Variants in LDLRAP1 observed in about 807,000 individuals in gnomAD.
LDLRAP1 encodes low density lipoprotein receptor adaptor protein 1.
In LDLRAP1, 30 loss-of-function variants were observed where a neutral mutation model predicts 37.8. The ratio of observed to expected loss-of-function variants is 0.79; its 90% CI spans 0.59 to 1.08. The LOEUF (loss-of-function observed/expected upper bound fraction) is 1.08, where lower values mean the gene tolerates loss of function less well. Ranked by LOEUF, LDLRAP1 falls within the 50% of genes least tolerant of loss-of-function variation. The pLI is 0.00. For missense variants in LDLRAP1, 375 were observed against 401.6 expected (o/e 0.93, Z 0.57); for synonymous variants, 156 against 169.8 (o/e 0.92, Z 0.63).
intron 7 of LDLRAP1, 151 bp downstream of exon 7, chr1:25,563,942 G>A: frequency 1.1e-6 from 1 of 942,734 alleles, no homozygotes; most frequent in South Asian, 1.4e-5. Context: ...CGCAGGATAG[G>A]GGATGAACAA....
At chr1:25,563,335 CATTTT>C (rs1169857614) in intron 6 of LDLRAP1, among the ~76,000 whole-genome samples, 182 bp downstream of exon 6, 3 of 152,200 alleles carry the variant, frequency 2.0e-5, no homozygotes, top group Non-Finnish European at 4.4e-5. Context: ...AGAAATAACT[CATTTT>C]AGTACATTTT....
At chr1:25,566,318 T>G (rs2044477061) in intron 8 of LDLRAP1, among the ~76,000 whole-genome samples, 1 of 152,220 alleles carries the variant, frequency 6.6e-6, no homozygotes, top group Non-Finnish European at 1.5e-5. Flanking sequence ...TCAGAAGCAT[T>G]GCTCCAGGCT....
rs991804465 is a variant in LDLRAP1 at position 25,550,637 on chromosome 1, A to G, written c.89-3285A>G. ...TCACTGGTCATTGTGGGGATTGTCT[A>G]TAGTGGACTGGGTGGGGTGAGGAGA... On this transcript the variant is annotated intron_variant, in intron 1 of 8. Transcript: ENST00000374338. Among the ~76,000 whole-genome samples the G allele has an allele frequency of 1.8e-4, 27 of 152,138 alleles. 2 individuals are homozygous for G. Among genetic ancestry groups the G allele is most frequent in the African/African-American group, 9.7e-5 (4 of 41,428 alleles).
the LDLRAP1 span, among the ~76,000 whole-genome samples, chr1:25,574,385 CA>C: frequency 3.9e-5 from 6 of 152,208 alleles, no homozygotes; most frequent in Admixed American, 2.6e-4. Context: ...GGCTGTCATC[CA>C]GGGTCAAGCC....
At chr1:25,579,725 G>GCTCT in the LDLRAP1 span, among the ~76,000 whole-genome samples, 1 of 152,138 alleles carries the variant, frequency 6.6e-6, no homozygotes, top group African/African-American at 2.4e-5. Flanking sequence ...GACCCTCGAA[G>GCTCT]CTCTGCCTTC....
At chr1:25,543,817 C>T (rs1038870103) in intron 1 of LDLRAP1, 31 bp downstream of exon 1, 1 of 1,192,238 alleles carries the variant, frequency 8.4e-7, no homozygotes, top group East Asian at 3.5e-5. Flanking sequence ...CGGGCCGGGC[C>T]GGGATCGGGC....
chr1:25,557,381 AGAG>A (rs769680434), intron 4 of LDLRAP1, 114 bp downstream of exon 4: 35 of 808,884 alleles, frequency 4.3e-5, no homozygotes, highest in Non-Finnish European at 6.2e-5. Flanking sequence ...TTACTTAAGA[AGAG>A]GGTGAAATCT....
At chr1:25,570,625 CG>C, downstream of LDLRAP1, among the ~76,000 whole-genome samples, 1 of 152,088 alleles carries the variant, frequency 6.6e-6, no homozygotes, top group South Asian at 2.1e-4. Flanking sequence ...TTTGGGAGGC[CG>C]AGGCAGGCGG....
chr1:25,559,537 T>C (rs2044293112), intron 4 of LDLRAP1, among the ~76,000 whole-genome samples: 1 of 152,204 alleles, frequency 6.6e-6, no homozygotes, highest in South Asian at 2.1e-4. Flanking sequence ...ACTCTTCATC[T>C]TTCTTAGTGT....
intron 4 of LDLRAP1, among the ~76,000 whole-genome samples, chr1:25,558,790 C>T (rs1489398437): frequency 6.6e-6 from 1 of 152,148 alleles, no homozygotes; most frequent in East Asian, 1.9e-4. Context: ...CTGTAAAGCC[C>T]GTTTGCTGTG....
intron 4 of LDLRAP1, among the ~76,000 whole-genome samples, chr1:25,561,053 C>T (rs1339368492): frequency 6.6e-6 from 1 of 152,262 alleles, no homozygotes; most frequent in East Asian, 1.9e-4. Flanking sequence ...CAGATTTATG[C>T]AACTACAGTC....
chr1:25,574,879 G>A, the LDLRAP1 span, among the ~76,000 whole-genome samples: 2 of 152,146 alleles, frequency 1.3e-5, no homozygotes, highest in African/African-American at 2.4e-5. Flanking sequence ...AGTGAGGGGT[G>A]TCTTTGACTT....
At chr1:25,570,278 T>C (rs571909553), downstream of LDLRAP1, among the ~76,000 whole-genome samples, 425 of 152,342 alleles carry the variant, frequency 2.8e-3, 4 homozygotes, top group African/African-American at 9.3e-3. Flanking sequence ...TCTCCGGATG[T>C]CTCGGATTAT....
chr1:25,555,969 C>T lies in LDLRAP1; in HGVS notation c.344+997C>T, dbSNP rs1477947081. 6.6e-6 allele frequency among the ~76,000 whole-genome samples: 1 copy of T among 151,946 alleles called. No individual in the cohort carries two copies. The highest frequency in any genetic ancestry group is 2.4e-5 in the African/African-American group (1 of 41,336). ...GCCTGGGGAAATCCCGGAAGGCCTC[C>T]CAGGGGAGGCGGCACCTTGCTGGGG... is the stretch of plus-strand genomic sequence containing the variant. On this transcript the variant is annotated intron_variant, in intron 3 of 8. Coordinates refer to ENST00000374338, the MANE Select transcript of LDLRAP1 (RefSeq NM_015627.3). This position sits in a 1 kb window ranked among gnomAD's most constrained non-coding sequence, Gnocchi z 4.7.
At position 25,568,339 on chromosome 1, in the gene LDLRAP1, A is replaced by G. The variant is rs2044538506; in HGVS notation, c.*1347A>G. The G allele has an allele frequency of 6.6e-6, 1 of 152,440 alleles. No homozygotes were observed. Among genetic ancestry groups the G allele is most frequent in the African/African-American group, 2.4e-5 (1 of 41,470 alleles). The allele number at this position is 152,440 out of a possible 1,614,324, so 9.4% of individuals were successfully genotyped here. ...CTGTGACCCTGGGTCGGGACAGACC[A>G]GCAGCAATCTGTCTTTAGAATCGCT... On this transcript the variant is annotated 3_prime_UTR_variant, in exon 9 of 9. Coordinates refer to ENST00000374338, the MANE Select transcript of LDLRAP1 (RefSeq NM_015627.3).
At chr1:25,569,251 A>G (rs539726685), downstream of LDLRAP1, among the ~76,000 whole-genome samples, 6 of 152,312 alleles carry the variant, frequency 3.9e-5, no homozygotes, top group South Asian at 8.3e-4. Flanking sequence ...GAGGATGTCC[A>G]TTATTTCCAT....
At chr1:25,563,339 T>G (rs2044392259) in intron 6 of LDLRAP1, among the ~76,000 whole-genome samples, 186 bp downstream of exon 6, 1 of 152,250 alleles carries the variant, frequency 6.6e-6, no homozygotes, top group Non-Finnish European at 1.5e-5. Flanking sequence ...ATAACTCATT[T>G]TAGTACATTT....
At chr1:25,553,830 T>G in intron 1 of LDLRAP1, 92 bp from the exon 2 acceptor site, 6 of 1,446,658 alleles carry the variant, frequency 4.1e-6, no homozygotes, top group Non-Finnish European at 5.7e-6. Flanking sequence ...TCCCCCTTGC[T>G]GGGGTTTCCT....
At chr1:25,575,744 T>G in the LDLRAP1 span, among the ~76,000 whole-genome samples, 5 of 152,190 alleles carry the variant, frequency 3.3e-5, no homozygotes, top group African/African-American at 9.7e-5. Context: ...ACTGAGTATG[T>G]GCCCAGCCCT....
Sources: allele counts gnomAD v4.1 joint callset (sites outside exome capture counted in the v4.1 genomes callset), GRCh38; gene constraint gnomAD v4.1.1; non-coding constraint Gnocchi (gnomAD v3.1); transcripts MANE v1.5; gene names NCBI Gene and HGNC (gene_info 2026-07-23, HGNC 2026-07-21).